Variants in YTHDF2 observed in about 807,000 individuals in gnomAD.
YTHDF2 encodes YTH N6-methyladenosine RNA binding protein F2.
A neutral mutation model predicts 50.4 loss-of-function variants in YTHDF2; 2 were observed. The ratio of observed to expected loss-of-function variants is 0.04; its 90% CI spans 0.02 to 0.12. The LOEUF (loss-of-function observed/expected upper bound fraction) is 0.12, where lower values mean the gene tolerates loss of function less well. Among genes scored for constraint, YTHDF2 ranks in the 10% least tolerant of loss-of-function variants. The pLI is 1.00. For synonymous variants in YTHDF2, 217 were observed against 255.6 expected (o/e 0.85, Z 1.44); for missense variants, 483 against 722.6 (o/e 0.67, Z 3.80).
chr1:28,750,757 A>G (rs1390830020), intron 4 of YTHDF2, among the ~76,000 whole-genome samples: 1 of 151,994 alleles, frequency 6.6e-6, no homozygotes. Context: ...ATATATATAT[A>G]TTAATGAAAA....
In YTHDF2 at chr1:28,769,237, G is replaced by GT. The variant is rs1055182902; in HGVS notation, c.*292dup. 4.2e-5 allele frequency: 11 copies of GT among 261,044 alleles called. No individual in the cohort carries two copies. The highest frequency in any genetic ancestry group is 5.8e-5 in the Non-Finnish European group (8 of 138,716). 16.2% of individuals were successfully genotyped at this position (261,044 alleles called of 1,614,324 possible). A position where few individuals can be genotyped will look rare whatever the true frequency, so the allele number is the denominator to read the frequency against. On this transcript the variant is annotated 3_prime_UTR_variant, in exon 5 of 5. Coordinates refer to ENST00000373812, the MANE Select transcript of YTHDF2 (RefSeq NM_016258.3). Reference sequence around the variant, plus strand: ...TTGTGATTTCAGAGCATAATGCTATGTTTTTTTGTCTTTTTACTATGTTTT... The same window carrying GT: ...TTGTGATTTCAGAGCATAATGCTATGTTTTTTTTGTCTTTTTACTATGTTTT...
chr1:28,749,981 A>G (rs1390500310), intron 4 of YTHDF2, among the ~76,000 whole-genome samples: 2 of 121,634 alleles, frequency 1.6e-5, no homozygotes, highest in Non-Finnish European at 3.3e-5. Context: ...TTGAAAAAAA[A>G]GGTTGTTTTT....
intron 4 of YTHDF2, among the ~76,000 whole-genome samples, chr1:28,759,250 TATATAGGTACTGGAAA>T (rs2088078983): frequency 6.6e-6 from 1 of 152,164 alleles, no homozygotes; most frequent in South Asian, 2.1e-4. Context: ...TGATAATAAA[TATATAGGTACTGGAAA>T]GACCTGGAGC....
chr1:28,747,174 G>T (rs573215009), intron 4 of YTHDF2, among the ~76,000 whole-genome samples: 2 of 152,210 alleles, frequency 1.3e-5, no homozygotes, highest in Non-Finnish European at 2.9e-5. Context: ...ATATGTAGGT[G>T]TAAGATTCGT....
chr1:28,758,855 G>T (rs1222019888), intron 4 of YTHDF2, among the ~76,000 whole-genome samples: 2 of 152,254 alleles, frequency 1.3e-5, no homozygotes, highest in Non-Finnish European at 2.9e-5. Context: ...GGACCTGGAC[G>T]TGAGAGCTTC....
At chr1:28,751,118 C>T (rs1018094301) in intron 4 of YTHDF2, among the ~76,000 whole-genome samples, 76 of 42,942 alleles carry the variant, frequency 1.8e-3, no homozygotes, top group African/African-American at 0.011. Flanking sequence ...AAAGGCTGGG[C>T]GTGGTGGTGC....
chr1:28,740,554 T>C (rs1427149316), intron 3 of YTHDF2, among the ~76,000 whole-genome samples: 1 of 152,218 alleles, frequency 6.6e-6, no homozygotes, highest in Non-Finnish European at 1.5e-5. Context: ...TATTTTGGAA[T>C]AATACTTCAA....
At chr1:28,748,541 G>C (rs2124179246) in intron 4 of YTHDF2, among the ~76,000 whole-genome samples, 1 of 152,334 alleles carries the variant, frequency 6.6e-6, no homozygotes, top group South Asian at 2.1e-4. Context: ...CACTGAAGCA[G>C]AGCCACAGCC....
At chr1:28,754,714 G>A (rs2088010363) in intron 4 of YTHDF2, among the ~76,000 whole-genome samples, 2 of 151,804 alleles carry the variant, frequency 1.3e-5, no homozygotes, top group Admixed American at 1.3e-4. Flanking sequence ...TGGGGCAGGA[G>A]AATCACTTGA....
At chr1:28,760,193 T>C (rs756277143) in intron 4 of YTHDF2, among the ~76,000 whole-genome samples, 2 of 152,182 alleles carry the variant, frequency 1.3e-5, no homozygotes, top group South Asian at 2.1e-4. Context: ...AATTAGCCTT[T>C]CTTTTAATAA....
intron 3 of YTHDF2, among the ~76,000 whole-genome samples, chr1:28,740,773 G>A (rs1215783073): frequency 6.6e-6 from 1 of 151,926 alleles, no homozygotes; most frequent in Non-Finnish European, 1.5e-5. Context: ...GTGCGATCTC[G>A]GCTCACTGCA....
chr1:28,753,407 G>T lies in YTHDF2; in HGVS notation c.1716+9421G>T, dbSNP rs1403455181. Among the ~76,000 whole-genome samples, 3 of 119,464 alleles carry T rather than the reference G, an allele frequency of 2.5e-5. No individual in the cohort carries two copies. The Admixed American group carries it at 2.8e-4, about 11-fold the overall frequency. The allele number at this position is 119,464 out of a possible 152,430, so 78.4% of individuals were successfully genotyped here. A position where few individuals can be genotyped will look rare whatever the true frequency, so the allele number is the denominator to read the frequency against. ...AAAAAAAAAAAAAAAAATCAGCCAG[G>T]TGTGATGAGGCACACCTGTAGTCCT... On this transcript the variant is annotated intron_variant, in intron 4 of 4. Transcript: ENST00000373812.
intron 4 of YTHDF2, among the ~76,000 whole-genome samples, chr1:28,749,179 CTTTTTTTT>C (rs60729215): frequency 7.4e-5 from 8 of 107,426 alleles, no homozygotes; most frequent in Admixed American, 4.5e-4. Context: ...TTCTTTCTTC[CTTTTTTTT>C]TTTTTTTTTT....
intron 4 of YTHDF2, among the ~76,000 whole-genome samples, chr1:28,766,639 T>A (rs992639042): frequency 3.9e-5 from 6 of 152,160 alleles, no homozygotes; most frequent in African/African-American, 1.4e-4. Context: ...AATAACTTGT[T>A]TCTCATCAAA....
intron 4 of YTHDF2, among the ~76,000 whole-genome samples, chr1:28,751,990 T>C (rs1296449493): frequency 1.3e-5 from 2 of 152,212 alleles, no homozygotes; most frequent in African/African-American, 4.8e-5. Flanking sequence ...TCTAACACTG[T>C]AATTCTCATA....
At chr1:28,737,308 C>A in intron 1 of YTHDF2, 161 bp downstream of exon 1, 2 of 935,036 alleles carry the variant, frequency 2.1e-6, no homozygotes, top group African/African-American at 1.8e-5. Context: ...GCGCCTCTCC[C>A]TCAGCCTGTT....
chr1:28,739,853 C>G (rs1462454043), intron 3 of YTHDF2, among the ~76,000 whole-genome samples: 1 of 152,114 alleles, frequency 6.6e-6, no homozygotes, highest in East Asian at 1.9e-4. Context: ...ATCTCTGATT[C>G]CAAAGACAGT....
chr1:28,752,260 A>G (rs769727013), intron 4 of YTHDF2, among the ~76,000 whole-genome samples: 3 of 151,956 alleles, frequency 2.0e-5, no homozygotes, highest in Non-Finnish European at 4.4e-5. Flanking sequence ...TTGCACACTG[A>G]TAACACATTG....
intron 4 of YTHDF2, among the ~76,000 whole-genome samples, chr1:28,757,896 T>A (rs1304672311): frequency 6.6e-6 from 1 of 152,152 alleles, no homozygotes; most frequent in East Asian, 1.9e-4. Context: ...TTACCCATAT[T>A]TAGGCATTTG....
Sources: gnomAD v4.1 joint callset for allele counts (sites outside exome capture counted in the v4.1 genomes callset) on GRCh38, gnomAD v4.1.1 for gene constraint, MANE v1.5 for transcripts, NCBI Gene and HGNC (gene_info 2026-07-23, HGNC 2026-07-21) for gene names.